The following ZNF639 variants were observed in gnomAD, a reference collection of about 807,000 sequenced individuals.
ZNF639 encodes zinc finger amplified in esophageal squamous cell carcinomas 1.
ZNF639 carries 20 observed loss-of-function variants against 39.8 expected under a neutral mutation model. The observed-to-expected ratio is 0.50, with a 90% confidence interval of 0.35 to 0.73. The LOEUF is 0.73. ZNF639 is among the 30% of genes least tolerant of loss of function. The pLI, the probability that ZNF639 is intolerant of heterozygous loss-of-function variation, is 0.00. For synonymous variants in ZNF639, 176 were observed against 189.8 expected (o/e 0.93, Z 0.60); for missense variants, 477 against 566.2 (o/e 0.84, Z 1.60).
chr3:179,334,543 T>G lies in ZNF639; in HGVS notation c.*121T>G, dbSNP rs529687649. Reference sequence around the variant, plus strand: ...AATCTGCCTTTAACAAGTAACTTTTTTAAATTATAAAATTTTATTGGCATT... The same window carrying G: ...AATCTGCCTTTAACAAGTAACTTTTGTAAATTATAAAATTTTATTGGCATT... On this transcript the variant is annotated 3_prime_UTR_variant, in exon 6 of 6. Transcript: ENST00000496856. The G allele has an allele frequency of 1.4e-6, 1 of 692,780 alleles. No individual in the cohort carries two copies. Among genetic ancestry groups the G allele is most frequent in the Non-Finnish European group, 2.1e-6 (1 of 467,436 alleles). The allele number at this position is 692,780 out of a possible 1,614,324, so 42.9% of individuals were successfully genotyped here.
At position 179,333,857 on chromosome 3, in the gene ZNF639, TCTC is replaced by T. The variant is rs778991561; in HGVS notation, c.897_899del (p.Ser302del). On this transcript the variant is annotated inframe_deletion, in exon 6 of 6. Coordinates refer to ENST00000496856, the MANE Select transcript of ZNF639 (RefSeq NM_001303426.2). Reference sequence around the variant, plus strand: ...TGGTGTGAACAGTGTGATGTACAGTTCTCCTCAAGCAGTGAACTCTACCTACAT... The same window carrying T: ...TGGTGTGAACAGTGTGATGTACAGTTCTCAAGCAGTGAACTCTACCTACAT... 7.4e-6 allele frequency: 12 copies of T among 1,613,988 alleles called. No homozygotes were observed. The highest frequency in any genetic ancestry group is 6.7e-5 in the African/African-American group (5 of 74,916).
rs1435722275 is a variant in ZNF639, at chr3:179,337,084, C to T, written c.*2662C>T. On this transcript the variant is annotated 3_prime_UTR_variant, in exon 6 of 6. Transcript: ENST00000496856. The stretch of plus-strand genomic sequence containing the variant: ...GACCATCCTGGCTAACAGTGAAACC[C>T]CGTCTCTACTAAAAATACAAAAAAA... 4 of 151,756 alleles carry T rather than the reference C, an allele frequency of 2.6e-5. No homozygotes were observed. In the East Asian group the frequency reaches 7.9e-4, roughly 30 times the overall value. The allele number at this position is 151,756 out of a possible 1,614,324, so 9.4% of individuals were successfully genotyped here.
In ZNF639 at chr3:179,336,312, A is replaced by G. The variant is rs1313016357; in HGVS notation, c.*1890A>G. ...GAATTATATGTATCATTGCCCTCAA[A>G]TTTAACAAGCACTGCTAACATTATT... On this transcript the variant is annotated 3_prime_UTR_variant, in exon 6 of 6. Coordinates refer to ENST00000496856, the MANE Select transcript of ZNF639 (RefSeq NM_001303426.2). The G allele has an allele frequency of 7.6e-6, 1 of 131,790 alleles. No homozygotes were observed. Among genetic ancestry groups the G allele is most frequent in the Non-Finnish European group, 1.6e-5 (1 of 62,844 alleles). 8.2% of individuals were successfully genotyped at this position (131,790 alleles called of 1,614,324 possible).
At chr3:179,331,906 A>G (rs1200452205) in intron 4 of ZNF639, among the ~76,000 whole-genome samples, 2 of 152,290 alleles carry the variant, frequency 1.3e-5, no homozygotes, top group East Asian at 3.9e-4. Context: ...GAAGTGATGA[A>G]AATGGCAATT....
At position 179,337,419 on chromosome 3, in the gene ZNF639, C is replaced by T. The variant is rs1044365018; in HGVS notation, c.*2997C>T. ...TGGCGTGATCTTGGCTCAAGGCAAC[C>T]TCCACCTCTCAGGTGTAAGCAATTC... is the stretch of plus-strand genomic sequence containing the variant. On this transcript the variant is annotated 3_prime_UTR_variant, in exon 6 of 6. Coordinates refer to ENST00000496856, the MANE Select transcript of ZNF639 (RefSeq NM_001303426.2). The T allele has an allele frequency of 2.0e-5, 3 of 151,712 alleles. No individual in the cohort carries two copies. Among genetic ancestry groups the T allele is most frequent in the African/African-American group, 7.3e-5 (3 of 41,288 alleles). The allele number at this position is 151,712 out of a possible 1,614,324, so 9.4% of individuals were successfully genotyped here. A position where few individuals can be genotyped will look rare whatever the true frequency, so the allele number is the denominator to read the frequency against.
At position 179,333,544 on chromosome 3, in the gene ZNF639, C is replaced by T; in HGVS notation, c.580C>T (p.Pro194Ser). 1.2e-6 allele frequency: 2 copies of T among 1,614,038 alleles called. No homozygotes were observed. The highest frequency in any genetic ancestry group is 8.5e-7 in the Non-Finnish European group (1 of 1,180,016). ...GAATGTGACTGCCCAGCAGAAATGGCCTTTACTGAGAGCTAATAGCAGTGG... is the reference window on the plus strand; with the variant it reads ...GAATGTGACTGCCCAGCAGAAATGGTCTTTACTGAGAGCTAATAGCAGTGG... The part of the protein sequence containing the change: ...ALNVTAQQKW[P>S]LLRANSSGLY... Residue 194 changes from proline to serine, a missense_variant, in exon 6 of 6, where the codon CCT becomes TCT. Transcript: ENST00000496856.
Position 179,338,479 on chromosome 3 carries a change from GTCAATT to G in ZNF639, c.*4061_*4066del, listed in dbSNP as rs1711644961. On this transcript the variant is annotated 3_prime_UTR_variant, in exon 6 of 6. Coordinates refer to ENST00000496856, the MANE Select transcript of ZNF639 (RefSeq NM_001303426.2). ...CGTTTCTCTGAATTGTATATTATTT[GTCAATT>G]TCACAGTTTCTATAATCTATTGTTT... The G allele has an allele frequency of 6.6e-6, 1 of 151,798 alleles. No individual in the cohort carries two copies. Among genetic ancestry groups the G allele is most frequent in the Non-Finnish European group, 1.5e-5 (1 of 67,978 alleles). 9.4% of individuals were successfully genotyped at this position (151,798 alleles called of 1,614,324 possible).
rs922321080 is a variant in ZNF639 at position 179,335,288 on chromosome 3, C to G, written c.*866C>G. 6.6e-6 allele frequency: 1 copy of G among 152,138 alleles called. No individual in the cohort carries two copies. The highest frequency in any genetic ancestry group is 2.4e-5 in the African/African-American group (1 of 41,408). 9.4% of individuals were successfully genotyped at this position (152,138 alleles called of 1,614,324 possible). A position where few individuals can be genotyped will look rare whatever the true frequency, so the allele number is the denominator to read the frequency against. On this transcript the variant is annotated 3_prime_UTR_variant, in exon 6 of 6. Coordinates refer to ENST00000496856, the MANE Select transcript of ZNF639 (RefSeq NM_001303426.2). ...TAAATTTCTTGTAGAGATGAGATCT[C>G]GCTATGTTGCCCAGGCCAGTCTCAA... is the stretch of plus-strand genomic sequence containing the variant.
Position 179,329,531 on chromosome 3 carries a change from G to C in ZNF639, c.59-87G>C, listed in dbSNP as rs376903185. ...TTACAGATACTATAATTAACATTAA[G>C]AACATTTGTATAAGTTAGATAACGG... On this transcript the variant is annotated intron_variant, in intron 3 of 5. Coordinates refer to ENST00000496856, the MANE Select transcript of ZNF639 (RefSeq NM_001303426.2). 5.1e-5 allele frequency: 38 copies of C among 740,414 alleles called. No homozygotes were observed. In the African/African-American group the frequency reaches 6.0e-4, roughly 12 times the overall value. 45.9% of individuals were successfully genotyped at this position (740,414 alleles called of 1,614,324 possible).
At chr3:179,328,065 C>T (rs566153260) in intron 2 of ZNF639, 6 of 371,112 alleles carry the variant, frequency 1.6e-5, no homozygotes, top group South Asian at 8.1e-5. Context: ...TTTTAACCTC[C>T]GTAAGAAAGA....
At position 179,328,264 on chromosome 3, in the gene ZNF639, A is replaced by T; in HGVS notation, c.-11-19A>T. ...GTTGTTATTTGTGACATATTTGTTA[A>T]TTTTTTCTCGTTTTTTAGATTGAAA... On this transcript the variant is annotated intron_variant, in intron 2 of 5. Coordinates refer to ENST00000496856, the MANE Select transcript of ZNF639 (RefSeq NM_001303426.2). 7.1e-7 allele frequency: 1 copy of T among 1,417,328 alleles called. No homozygotes were observed. The highest frequency in any genetic ancestry group is 9.8e-7 in the Non-Finnish European group (1 of 1,022,688). The allele number at this position is 1,417,328 out of a possible 1,614,324, so 87.8% of individuals were successfully genotyped here.
rs1001912974 is a variant in ZNF639, at chr3:179,337,577, T to C, written c.*3155T>C. Reference sequence around the variant, plus strand: ...GTCTTGAACTCCTGACCTCTTGTGATCTGCCCACCTCGACCTCCCAAAGTG... The same window carrying C: ...GTCTTGAACTCCTGACCTCTTGTGACCTGCCCACCTCGACCTCCCAAAGTG... On this transcript the variant is annotated 3_prime_UTR_variant, in exon 6 of 6. Coordinates refer to ENST00000496856, the MANE Select transcript of ZNF639 (RefSeq NM_001303426.2). 6.6e-6 allele frequency: 1 copy of C among 151,538 alleles called. No homozygotes were observed. The highest frequency in any genetic ancestry group is 1.5e-5 in the Non-Finnish European group (1 of 67,962). 9.4% of individuals were successfully genotyped at this position (151,538 alleles called of 1,614,324 possible).
upstream of ZNF639, chr3:179,322,921 G>A (rs1727357390): frequency 1.2e-5 from 12 of 984,836 alleles, no homozygotes; most frequent in African/African-American, 1.8e-5. Flanking sequence ...GGCCTCCCCC[G>A]GGGCTGCGGG....
chr3:179,323,064 C>G lies in ZNF639; in HGVS notation c.-310C>G. 1.0e-6 allele frequency: 1 copy of G among 984,990 alleles called. No homozygotes were observed. The highest frequency in any genetic ancestry group is 1.2e-6 in the Non-Finnish European group (1 of 830,004). The allele number at this position is 984,990 out of a possible 1,614,324, so 61.0% of individuals were successfully genotyped here. A position where few individuals can be genotyped will look rare whatever the true frequency, so the allele number is the denominator to read the frequency against. On this transcript the variant is annotated 5_prime_UTR_variant, in exon 1 of 6. Transcript: ENST00000496856. ...CGGCGCAGGCGCGGAGCGTGGCGGC[C>G]AGGGCAGTGCGGCCGCGGAGCCTAG...
chr3:179,327,495 GTAT>G (rs1296752428), intron 1 of ZNF639, 63 bp from the exon 2 acceptor site: 2 of 152,134 alleles, frequency 1.3e-5, no homozygotes, highest in Non-Finnish European at 2.9e-5. Context: ...TGGTGCCATT[GTAT>G]TATTCAGTAC....
At position 179,335,329 on chromosome 3, in the gene ZNF639, C is replaced by G. The variant is rs911106783; in HGVS notation, c.*907C>G. 6.6e-6 allele frequency: 1 copy of G among 152,158 alleles called. No homozygotes were observed. Among genetic ancestry groups the G allele is most frequent in the African/African-American group, 2.4e-5 (1 of 41,422 alleles). The allele number at this position is 152,158 out of a possible 1,614,324, so 9.4% of individuals were successfully genotyped here. On this transcript the variant is annotated 3_prime_UTR_variant, in exon 6 of 6. Coordinates refer to ENST00000496856, the MANE Select transcript of ZNF639 (RefSeq NM_001303426.2). The stretch of plus-strand genomic sequence containing the variant: ...CCAGTCTCAAACTCCTGGACTCAAG[C>G]AATCCTCCCACCTTGGCCTTCCAAA...
rs760766474 is a variant in ZNF639 at position 179,333,316 on chromosome 3, G to C, written c.352G>C (p.Glu118Gln). 1 of 1,613,228 alleles carries C rather than the reference G, an allele frequency of 6.2e-7. No homozygotes were observed. Among genetic ancestry groups the C allele is most frequent in the South Asian group, 1.1e-5 (1 of 90,766 alleles). The change falls in exon 6 of 6, where the codon GAA becomes CAA. Residue 118 changes from glutamate (E) to glutamine (Q), a missense_variant. By Grantham distance (29) the Glu-to-Gln change is conservative. Transcript: ENST00000496856. Reference protein sequence around the residue: ...VICDEECDSPESVNQQTQEES... With the variant: ...VICDEECDSPQSVNQQTQEES... ...TTGTGATGAAGAGTGTGACTCACCT[G>C]AATCAGTCAACCAGCAAACCCAAGA...
rs544490988 is a variant in ZNF639, at chr3:179,327,944, A to G, written c.-12+313A>G. The G allele has an allele frequency of 4.6e-4, 80 of 174,320 alleles. 1 individual carries two copies. The highest frequency in any genetic ancestry group is 1.8e-3 in the African/African-American group (77 of 41,900). The allele number at this position is 174,320 out of a possible 1,614,324, so 10.8% of individuals were successfully genotyped here. ...CCTATAAAACTCCTAGTATGGTGCC[A>G]TAGGCACAGTGTTTCTTTTTTTATA... On this transcript the variant is annotated intron_variant, in intron 2 of 5. Coordinates refer to ENST00000496856, the MANE Select transcript of ZNF639 (RefSeq NM_001303426.2).
At position 179,337,537 on chromosome 3, in the gene ZNF639, A is replaced by C. The variant is rs1711580805; in HGVS notation, c.*3115A>C. The C allele has an allele frequency of 7.3e-6, 1 of 137,398 alleles. No homozygotes were observed. Among genetic ancestry groups the C allele is most frequent in the African/African-American group, 2.5e-5 (1 of 40,670 alleles). The allele number at this position is 137,398 out of a possible 1,614,324, so 8.5% of individuals were successfully genotyped here. ...TTTTTAATAGAGACGGGGTTTCACC[A>C]TGTTGACCAGGCTGGTCTTGAACTC... On this transcript the variant is annotated 3_prime_UTR_variant, in exon 6 of 6. Coordinates refer to ENST00000496856, the MANE Select transcript of ZNF639 (RefSeq NM_001303426.2).
Sources: allele counts gnomAD v4.1 joint callset (sites outside exome capture counted in the v4.1 genomes callset), GRCh38; gene constraint gnomAD v4.1.1; transcripts MANE v1.5; gene names NCBI Gene and HGNC (gene_info 2026-07-23, HGNC 2026-07-21).